Variants in CNMD observed in about 807,000 individuals in gnomAD.
CNMD encodes the protein leukocyte cell-derived chemotaxin 1.
CNMD carries 30 observed loss-of-function variants against 37.5 expected under a neutral mutation model. The ratio of observed to expected loss-of-function variants is 0.80; its 90% CI spans 0.60 to 1.09. CNMD has a LOEUF of 1.09. Ranked by LOEUF, CNMD falls within the 50% of genes least tolerant of loss-of-function variation. The pLI, the probability that CNMD is intolerant of heterozygous loss-of-function variation, is 0.00. For synonymous variants in CNMD, 167 were observed against 148.2 expected, an observed-to-expected ratio of 1.13 and a Z score of -0.92; for missense variants, 398 against 423.9, an observed-to-expected ratio of 0.94 and a Z score of 0.54.
chr13:52,711,712 T>C (rs1964292574), intron 5 of CNMD, among the ~76,000 whole-genome samples: 1 of 152,222 alleles, frequency 6.6e-6, no homozygotes, highest in Non-Finnish European at 1.5e-5. Context: ...TTTTTAAAAA[T>C]TGTAAAATAT....
chr13:52,728,918 ATAT>A (rs1206980013), intron 3 of CNMD, among the ~76,000 whole-genome samples: 1 of 152,182 alleles, frequency 6.6e-6, no homozygotes, highest in Non-Finnish European at 1.5e-5. Context: ...GCAGCCAGAT[ATAT>A]TAAGAGATTA....
chr13:52,732,392 G>C (rs1474186726), intron 3 of CNMD, among the ~76,000 whole-genome samples: 1 of 152,172 alleles, frequency 6.6e-6, no homozygotes, highest in Non-Finnish European at 1.5e-5. Context: ...ACTTTGGTTT[G>C]CAGATGTACA....
chr13:52,723,338 C>T lies in CNMD; in HGVS notation c.468+659G>A, dbSNP rs961324092. Among the ~76,000 whole-genome samples, 8 of 152,106 alleles carry T rather than the reference C, an allele frequency of 5.3e-5. 1 individual carries two copies. The highest frequency in any genetic ancestry group is 4.6e-4 in the Admixed American group (7 of 15,272). The stretch of plus-strand genomic sequence containing the variant: ...GAATTCCTGGGCTTAAATGAACTGC[C>T]CACCTCGGCCTCCCAAAGTGCTGGG... On this transcript the variant is annotated intron_variant, in intron 4 of 6. Coordinates refer to ENST00000377962, the MANE Select transcript of CNMD (RefSeq NM_007015.3).
chr13:52,733,272 A>G lies in CNMD; in HGVS notation c.301T>C (p.Phe101Leu). The change falls in exon 3 of 7, where the codon TTT (phenylalanine) becomes CTT (leucine). Residue 101 changes from phenylalanine (F) to leucine (L), a missense_variant. Physicochemically the swap from Phe to Leu is conservative, Grantham distance 22. Transcript: ENST00000377962. ...TCTTCAGCTCCACTTCCCATTTTAA[A>G]GGTCTCCAAGTTGTTCCCAGCGTCT... ...EIDAGNNLET[F>L]KMGSGAEEAI... The G allele has an allele frequency of 6.2e-7, 1 of 1,614,060 alleles. No individual in the cohort carries two copies. The highest frequency in any genetic ancestry group is 8.5e-7 in the Non-Finnish European group (1 of 1,179,904).
rs752261250 is a variant in CNMD at position 52,708,638 on chromosome 13, G to T, written c.687C>A (p.His229Gln). 9.9e-6 allele frequency: 16 copies of T among 1,613,646 alleles called. No homozygotes were observed. Among genetic ancestry groups the T allele is most frequent in the Non-Finnish European group, 1.4e-5 (16 of 1,179,868 alleles). Residue 229 changes from histidine (H) to glutamine (Q), a missense_variant, in exon 6 of 7, where the codon CAC (histidine) becomes CAA (glutamine). Coordinates refer to ENST00000377962, the MANE Select transcript of CNMD (RefSeq NM_007015.3). ...CGCCTGGGTTGCTCCGTGGTCCACT[G>T]TGTGGTCTTTTTGTGGTAGTTGGAA... ...KIVPTTTKRP[H>Q]SGPRSNPGAG...
chr13:52,724,860 A>G (rs186705723), intron 3 of CNMD, among the ~76,000 whole-genome samples: 317 of 152,248 alleles, frequency 2.1e-3, no homozygotes, highest in African/African-American at 5.9e-3. Flanking sequence ...TCGCCACTGC[A>G]CTCCAGCTTG....
chr13:52,711,942 TG>T (rs1964295971), intron 5 of CNMD, among the ~76,000 whole-genome samples: 1 of 106,862 alleles, frequency 9.4e-6, no homozygotes, highest in Admixed American at 8.7e-5. Context: ...TCCATGCTGC[TG>T]TCTGCTAGTC....
At position 52,739,425 on chromosome 13, in the gene CNMD, G is replaced by T. The variant is rs1009530396; in HGVS notation, c.72+205C>A. On this transcript the variant is annotated intron_variant, in intron 1 of 6. Coordinates refer to ENST00000377962, the MANE Select transcript of CNMD (RefSeq NM_007015.3). The surrounding 1 kb of genome is among the most constrained non-coding windows in gnomAD (Gnocchi z 5.4). The stretch of plus-strand genomic sequence containing the variant: ...AGGACCTGCACCCTCTACCGGCCAC[G>T]GGACGTCCCTCCGCACCCGCCTGTG... 1 of 665,734 alleles carries T rather than the reference G, an allele frequency of 1.5e-6. No homozygotes were observed. The highest frequency in any genetic ancestry group is 2.6e-6 in the Non-Finnish European group (1 of 389,590). The allele number at this position is 665,734 out of a possible 1,614,324, so 41.2% of individuals were successfully genotyped here.
intron 3 of CNMD, among the ~76,000 whole-genome samples, chr13:52,732,664 T>C (rs940256730): frequency 2.0e-5 from 3 of 152,230 alleles, no homozygotes; most frequent in African/African-American, 7.2e-5. Flanking sequence ...TATTAGGTCA[T>C]TAAAATTTCC....
At chr13:52,704,972 T>C (rs970182280) in intron 6 of CNMD, among the ~76,000 whole-genome samples, 2 of 151,814 alleles carry the variant, frequency 1.3e-5, no homozygotes, top group African/African-American at 2.4e-5. Context: ...GGCAGGAGAA[T>C]CTCCTGAACC....
At chr13:52,707,920 C>T (rs1028328628) in intron 6 of CNMD, among the ~76,000 whole-genome samples, 1 of 151,482 alleles carries the variant, frequency 6.6e-6, no homozygotes, top group Admixed American at 6.6e-5. Flanking sequence ...ACAGCCTGCC[C>T]AACATGGTGA....
chr13:52,716,197 GTTTC>G (rs1051862962), intron 4 of CNMD, among the ~76,000 whole-genome samples: 1 of 152,088 alleles, frequency 6.6e-6, no homozygotes, highest in Non-Finnish European at 1.5e-5. Flanking sequence ...TGATGGGGTT[GTTTC>G]TTTCTTGTGA....
At chr13:52,738,947 G>T (rs1480823520) in intron 2 of CNMD, 84 bp downstream of exon 2, 2 of 1,284,732 alleles carry the variant, frequency 1.6e-6, no homozygotes, top group South Asian at 2.3e-5. Flanking sequence ...GCAGCCGCGC[G>T]CCCCTCGCCG....
intron 2 of CNMD, among the ~76,000 whole-genome samples, chr13:52,736,106 G>T (rs1323158972): frequency 2.6e-5 from 4 of 151,798 alleles, no homozygotes; most frequent in Non-Finnish European, 4.4e-5. Context: ...CCATTCTCCT[G>T]CCTCAGCCTC....
At chr13:52,720,967 G>A (rs543266581) in intron 4 of CNMD, among the ~76,000 whole-genome samples, 1 of 152,308 alleles carries the variant, frequency 6.6e-6, no homozygotes, top group Non-Finnish European at 1.5e-5. Flanking sequence ...AGCCCGACTG[G>A]GGCTGCTGCC....
Position 52,703,484 on chromosome 13 carries a change from G to T in CNMD, c.*111C>A. 2 of 705,970 alleles carry T rather than the reference G, an allele frequency of 2.8e-6. No homozygotes were observed. The highest frequency in any genetic ancestry group is 4.8e-6 in the Non-Finnish European group (2 of 418,070). The allele number at this position is 705,970 out of a possible 1,614,324, so 43.7% of individuals were successfully genotyped here. On this transcript the variant is annotated 3_prime_UTR_variant, in exon 7 of 7. Transcript: ENST00000377962. ...AAGAGTGTCAAGAATAACCGCTCAGGTTGAGTGTAAAAATATTTTGTGGTC... is the reference window on the plus strand; with the variant it reads ...AAGAGTGTCAAGAATAACCGCTCAGTTTGAGTGTAAAAATATTTTGTGGTC...
chr13:52,725,772 G>C (rs1964561610), intron 3 of CNMD, among the ~76,000 whole-genome samples: 2 of 152,206 alleles, frequency 1.3e-5, no homozygotes, highest in Non-Finnish European at 2.9e-5. Flanking sequence ...CAGTGATAAA[G>C]AATGGGGGTA....
At chr13:52,732,994 G>A in intron 3 of CNMD, 2 of 553,098 alleles carry the variant, frequency 3.6e-6, no homozygotes, top group Non-Finnish European at 6.4e-6. Context: ...TTTGTTTTTG[G>A]TATTTTACAA....
intron 3 of CNMD, among the ~76,000 whole-genome samples, chr13:52,724,597 CAA>C (rs1173786531): frequency 6.6e-6 from 1 of 151,002 alleles, no homozygotes; most frequent in Non-Finnish European, 1.5e-5. Context: ...CGTCTCAAAA[CAA>C]AAACAAAAAA....
Sources: gnomAD v4.1 joint callset for allele counts (sites outside exome capture counted in the v4.1 genomes callset) on GRCh38, gnomAD v4.1.1 for gene constraint, Gnocchi (gnomAD v3.1) non-coding constraint, MANE v1.5 for transcripts, NCBI Gene and HGNC (gene_info 2026-07-23, HGNC 2026-07-21) for gene names.